SIRT4: variants seen among roughly 807,000 people sequenced by gnomAD.
SIRT4 encodes the protein sirtuin 4.
Under a neutral mutation model 26.1 loss-of-function variants are expected in SIRT4, and 23 were observed. That is an observed-to-expected ratio of 0.88 (90% CI 0.63 to 1.25). SIRT4 has a LOEUF of 1.25. Among genes scored for constraint, SIRT4 ranks in the 50% most tolerant of loss-of-function variants. The pLI is 0.00. For synonymous variants in SIRT4, 155 were observed against 158.4 expected (o/e 0.98, Z 0.16); for missense variants, 361 against 405.4 (o/e 0.89, Z 0.94).
Position 120,312,602 on chromosome 12 carries a change from T to G in SIRT4, c.644T>G (p.Phe215Cys). The change falls in exon 3 of 4, where the codon TTT (phenylalanine) becomes TGT (cysteine). Residue 215 changes from phenylalanine (F) to cysteine (C), a missense_variant. Phe to Cys is a radical substitution (Grantham distance 205). Coordinates refer to ENST00000202967, the MANE Select transcript of SIRT4 (RefSeq NM_012240.3). Reference sequence around the variant, plus strand: ...CTCTCAGAGGAGCAAGTCCGGAGCTTTCAGGTCCCAACCTGCGTTCAATGT... The same window carrying G: ...CTCTCAGAGGAGCAAGTCCGGAGCTGTCAGGTCCCAACCTGCGTTCAATGT... The part of the protein sequence containing the change: ...VFLSEEQVRS[F>C]QVPTCVQCGG... 1.9e-6 allele frequency: 3 copies of G among 1,614,144 alleles called. No individual in the cohort carries two copies. The highest frequency in any genetic ancestry group is 1.7e-6 in the Non-Finnish European group (2 of 1,180,028).
the SIRT4 span, chr12:120,293,192 C>G: frequency 1.3e-5 from 2 of 152,166 alleles, no homozygotes; most frequent in African/African-American, 4.8e-5. Flanking sequence ...AATAATCGCG[C>G]CTCGGATAGA....
In SIRT4 at chr12:120,312,619, G is replaced by T; in HGVS notation, c.661G>T (p.Val221Phe). 2 of 1,614,162 alleles carry T rather than the reference G, an allele frequency of 1.2e-6. No homozygotes were observed. Among genetic ancestry groups the T allele is most frequent in the Non-Finnish European group, 1.7e-6 (2 of 1,180,040 alleles). The change falls in exon 3 of 4, where the codon GTT becomes TTT. Residue 221 changes from valine (V) to phenylalanine (F), a missense_variant. Physicochemically the swap from Val to Phe is conservative, Grantham distance 50. Transcript: ENST00000202967. ...CCGGAGCTTTCAGGTCCCAACCTGCGTTCAATGTGGAGGCCATCTGAAACC... is the reference window on the plus strand; with the variant it reads ...CCGGAGCTTTCAGGTCCCAACCTGCTTTCAATGTGGAGGCCATCTGAAACC... ...QVRSFQVPTC[V>F]QCGGHLKPDV...
the SIRT4 span, among the ~76,000 whole-genome samples, chr12:120,293,898 G>A: frequency 1.3e-5 from 2 of 151,474 alleles, no homozygotes; most frequent in South Asian, 4.2e-4. Context: ...CTTGAGGTCA[G>A]TCTTATTTCA....
chr12:120,302,762 C>T (rs1276717171), intron 1 of SIRT4, among the ~76,000 whole-genome samples: 1 of 150,906 alleles, frequency 6.6e-6, no homozygotes, highest in African/African-American at 2.4e-5. Flanking sequence ...CTTCTTCGCC[C>T]AGGCTGGAGT....
At position 120,303,640 on chromosome 12, in the gene SIRT4, G is replaced by T. The variant is rs1217709442; in HGVS notation, c.79G>T (p.Ala27Ser). 1.9e-6 allele frequency: 3 copies of T among 1,614,064 alleles called. No individual in the cohort carries two copies. The South Asian group carries it at 3.3e-5, about 18-fold the overall frequency. ...AAACCCCAGCCAGCCGTGCTCGAAA[G>T]CCTCCATTGGGTTATTTGTGCCAGC... ...IANPSQPCSK[A>S]SIGLFVPASP... The change falls in exon 2 of 4, where the codon GCC becomes TCC. Residue 27 changes from alanine to serine, a missense_variant. Ala to Ser is a moderately conservative substitution (Grantham distance 99). Transcript: ENST00000202967.
upstream of SIRT4, among the ~76,000 whole-genome samples, chr12:120,297,370 T>A (rs1208162359): frequency 1.6e-5 from 2 of 121,354 alleles, no homozygotes; most frequent in African/African-American, 6.1e-5. Flanking sequence ...AAAGCCCTAA[T>A]CCTAATCCCA....
chr12:120,293,141 A>G, the SIRT4 span: 2 of 152,206 alleles, frequency 1.3e-5, no homozygotes, highest in East Asian at 1.9e-4. Flanking sequence ...ACTATATTGC[A>G]AGTCGTCACG....
the SIRT4 span, among the ~76,000 whole-genome samples, chr12:120,295,417 T>A: frequency 2.9e-5 from 2 of 69,770 alleles, no homozygotes; most frequent in Admixed American, 3.0e-4. Flanking sequence ...TATATATAGA[T>A]AATTTTTTTT....
chr12:120,292,903 C>T, the SIRT4 span, among the ~76,000 whole-genome samples: 2 of 152,208 alleles, frequency 1.3e-5, no homozygotes, highest in Non-Finnish European at 2.9e-5. Context: ...ATCACAAAAT[C>T]AGCAACTCCA....
chr12:120,306,421 G>A (rs1381215182), intron 2 of SIRT4, among the ~76,000 whole-genome samples: 2 of 151,914 alleles, frequency 1.3e-5, no homozygotes, highest in African/African-American at 4.8e-5. Flanking sequence ...GTTGCGGTGA[G>A]CCGAGATTGT....
At chr12:120,303,442 T>A in intron 1 of SIRT4, 119 bp from the exon 2 acceptor site, 1 of 1,204,888 alleles carries the variant, frequency 8.3e-7, no homozygotes, top group Non-Finnish European at 1.1e-6. Flanking sequence ...GCCACTGTAC[T>A]CTAGCCTGGG....
At chr12:120,296,376 G>C in the SIRT4 span, among the ~76,000 whole-genome samples, 1 of 150,722 alleles carries the variant, frequency 6.6e-6, no homozygotes, top group African/African-American at 2.4e-5. Context: ...CGCCACCACG[G>C]CCGGCTAATT....
At chr12:120,292,767 C>A in the SIRT4 span, among the ~76,000 whole-genome samples, 2 of 151,110 alleles carry the variant, frequency 1.3e-5, no homozygotes, top group Non-Finnish European at 2.9e-5. Context: ...GAGCCGAGAT[C>A]ACGCCAGTGC....
chr12:120,310,735 CCTGT>C (rs1158059784), intron 2 of SIRT4, among the ~76,000 whole-genome samples: 2 of 151,478 alleles, frequency 1.3e-5, no homozygotes, highest in African/African-American at 4.8e-5. Flanking sequence ...TGGCCAAGAC[CCTGT>C]CTCTTTTTTT....
Position 120,312,529 on chromosome 12 carries a change from A to G in SIRT4, c.571A>G (p.Thr191Ala), listed in dbSNP as rs1873021871. The G allele has an allele frequency of 6.2e-7, 1 of 1,613,970 alleles. No homozygotes were observed. Among genetic ancestry groups the G allele is most frequent in the Non-Finnish European group, 8.5e-7 (1 of 1,180,022 alleles). Residue 191 changes from threonine to alanine, a missense_variant, in exon 3 of 4, where the codon ACC becomes GCC. Transcript: ENST00000202967. The part of the protein sequence containing the change: ...LQERFQVLNP[T>A]WSAEAHGLAP... ...AGAGCGTTTCCAAGTCCTGAACCCC[A>G]CCTGGAGTGCTGAGGCCCATGGCCT...
Position 120,312,722 on chromosome 12 carries a change from C to T in SIRT4, c.764C>T (p.Ser255Phe). 1.2e-6 allele frequency: 2 copies of T among 1,613,828 alleles called. No individual in the cohort carries two copies. The highest frequency in any genetic ancestry group is 1.7e-6 in the Non-Finnish European group (2 of 1,179,864). Residue 255 changes from serine (S) to phenylalanine (F), a missense_variant, in exon 3 of 4, where the codon TCC (serine) becomes TTC (phenylalanine). By Grantham distance (155) the Ser-to-Phe change is radical. Coordinates refer to ENST00000202967, the MANE Select transcript of SIRT4 (RefSeq NM_012240.3). Reference sequence around the variant, plus strand: ...CACAAGCGTGTAAAAGAAGCCGACTCCCTCTTGGTGGTGGGATCATCCTTG... The same window carrying T: ...CACAAGCGTGTAAAAGAAGCCGACTTCCTCTTGGTGGTGGGATCATCCTTG... ...FVHKRVKEAD[S>F]LLVVGSSLQV... is the part of the protein sequence containing the mutation.
chr12:120,301,406 T>A (rs1267177152), upstream of SIRT4, among the ~76,000 whole-genome samples: 6 of 152,206 alleles, frequency 3.9e-5, no homozygotes, highest in South Asian at 1.2e-3. Flanking sequence ...CAGATATGTA[T>A]AAACACATTT....
the SIRT4 span, among the ~76,000 whole-genome samples, chr12:120,295,413 T>G: frequency 9.2e-5 from 12 of 130,574 alleles, no homozygotes; most frequent in African/African-American, 3.3e-4. Flanking sequence ...AATATATATA[T>G]AGATAATTTT....
intron 2 of SIRT4, among the ~76,000 whole-genome samples, chr12:120,304,711 A>G (rs1872671567): frequency 6.6e-6 from 1 of 151,168 alleles, no homozygotes; most frequent in East Asian, 1.9e-4. Flanking sequence ...GCACTTTGGA[A>G]GGCTGAGGCA....
Sources: gnomAD v4.1 joint callset for allele counts (sites outside exome capture counted in the v4.1 genomes callset) on GRCh38, gnomAD v4.1.1 for gene constraint, MANE v1.5 for transcripts, NCBI Gene and HGNC (gene_info 2026-07-23, HGNC 2026-07-21) for gene names.